Variants in EIF2AK2 observed in about 807,000 individuals in gnomAD.
The protein encoded by EIF2AK2 is eukaryotic translation initiation factor 2 alpha kinase 2.
A neutral mutation model predicts 70.5 loss-of-function variants in EIF2AK2; 40 were observed. The ratio of observed to expected loss-of-function variants is 0.57; its 90% CI spans 0.44 to 0.74. EIF2AK2 has a LOEUF of 0.74. EIF2AK2 is among the 30% of genes least tolerant of loss of function. The pLI is 0.00. For synonymous variants in EIF2AK2, 198 were observed against 220.9 expected, an observed-to-expected ratio of 0.90 and a Z score of 0.92; for missense variants, 555 against 644.3, an observed-to-expected ratio of 0.86 and a Z score of 1.50.
Position 37,135,555 on chromosome 2 carries a change from T to G in EIF2AK2, c.723-9A>C. 4 of 1,608,216 alleles carry G rather than the reference T, an allele frequency of 2.5e-6. No individual in the cohort carries two copies. The highest frequency in any genetic ancestry group is 3.4e-6 in the Non-Finnish European group (4 of 1,176,364). ...ATCTGGGTGCCAAAGATCTAAAAAT[T>G]AAGAGTTGAATGTAAAACTCAAATA... On this transcript the variant is annotated splice_polypyrimidine_tract_variant and intron_variant, in intron 9 of 16. Transcript: ENST00000233057.
In EIF2AK2 at chr2:37,141,703, T is replaced by TAAAA; in HGVS notation, c.241-3_241-2insTTTT. 6.3e-7 allele frequency: 1 copy of TAAAA among 1,592,330 alleles called. No individual in the cohort carries two copies. Among genetic ancestry groups the TAAAA allele is most frequent in the Admixed American group, 1.9e-5 (1 of 53,918 alleles). ...TGTCAATAATAAAGGACTAACTGCC[T>TAAAA]ACAAAGAAAAAAAATTCCTGTTTAA... On this transcript the variant is annotated splice_polypyrimidine_tract_variant and splice_region_variant and intron_variant, in intron 4 of 16. Coordinates refer to ENST00000233057, the MANE Select transcript of EIF2AK2 (RefSeq NM_001135651.3).
At chr2:37,112,672 T>C (rs1020821706) in intron 14 of EIF2AK2, among the ~76,000 whole-genome samples, 2 of 152,120 alleles carry the variant, frequency 1.3e-5, no homozygotes, top group African/African-American at 4.8e-5. Flanking sequence ...ATAAAATAAA[T>C]TAAGGAAACA....
chr2:37,149,516 C>T (rs1675670145), intron 1 of EIF2AK2, among the ~76,000 whole-genome samples: 1 of 151,992 alleles, frequency 6.6e-6, no homozygotes, highest in Admixed American at 6.6e-5. Flanking sequence ...CTGCCTGGAC[C>T]AATATAAACA....
rs1303303377 is a variant in EIF2AK2, at chr2:37,102,304, G to A, written c.*4969C>T. 1 of 152,120 alleles carries A rather than the reference G, an allele frequency of 6.6e-6. No individual in the cohort carries two copies. Among genetic ancestry groups the A allele is most frequent in the African/African-American group, 2.4e-5 (1 of 41,418 alleles). The allele number at this position is 152,120 out of a possible 1,614,324, so 9.4% of individuals were successfully genotyped here. A position where few individuals can be genotyped will look rare whatever the true frequency, so the allele number is the denominator to read the frequency against. ...ACAAACAAAAAGTAAGGGGTTAGAT[G>A]TATTAAGAACGGTAAAGTATTGATA... On this transcript the variant is annotated 3_prime_UTR_variant, in exon 17 of 17. Transcript: ENST00000233057.
At chr2:37,137,679 T>C (rs1675175369) in intron 8 of EIF2AK2, among the ~76,000 whole-genome samples, 3 of 152,190 alleles carry the variant, frequency 2.0e-5, no homozygotes, top group African/African-American at 4.8e-5. Flanking sequence ...CGAACTATAT[T>C]AGTGAATCTT....
intron 7 of EIF2AK2, 57 bp downstream of exon 7, chr2:37,138,452 G>A: frequency 1.2e-6 from 2 of 1,603,386 alleles, no homozygotes; most frequent in Non-Finnish European, 1.7e-6. Context: ...ATAAAAATCT[G>A]TCTTTCAGAC....
At chr2:37,151,962 A>G (rs1449746752) in intron 1 of EIF2AK2, among the ~76,000 whole-genome samples, 1 of 152,192 alleles carries the variant, frequency 6.6e-6, no homozygotes, top group Non-Finnish European at 1.5e-5. Context: ...GCTACTCGCG[A>G]GGCTGAGGCA....
chr2:37,127,199 T>C (rs1296889466), intron 10 of EIF2AK2, among the ~76,000 whole-genome samples: 1 of 151,998 alleles, frequency 6.6e-6, no homozygotes, highest in Non-Finnish European at 1.5e-5. Flanking sequence ...CCAAAACACA[T>C]TGCTGGTATC....
rs1456861665 is a variant in EIF2AK2 at position 37,099,553 on chromosome 2, A to G, written c.*7720T>C. The G allele has an allele frequency of 6.6e-6, 1 of 152,212 alleles. No individual in the cohort carries two copies. The highest frequency in any genetic ancestry group is 1.5e-5 in the Non-Finnish European group (1 of 68,028). 9.4% of individuals were successfully genotyped at this position (152,212 alleles called of 1,614,324 possible). A position where few individuals can be genotyped will look rare whatever the true frequency, so the allele number is the denominator to read the frequency against. ...CATTTTGAGTGGGAGATGTTGGAAC[A>G]CTTTGGAAATAACACTGAATTTGGG... On this transcript the variant is annotated 3_prime_UTR_variant, in exon 17 of 17. Transcript: ENST00000233057.
At chr2:37,142,509 C>A (rs1364881707) in intron 4 of EIF2AK2, among the ~76,000 whole-genome samples, 1 of 150,318 alleles carries the variant, frequency 6.7e-6, no homozygotes, top group Non-Finnish European at 1.5e-5. Context: ...TTTTTTATTT[C>A]TTTTATAGTA....
At chr2:37,143,906 CA>C (rs1454619274) in intron 4 of EIF2AK2, among the ~76,000 whole-genome samples, 8 of 151,742 alleles carry the variant, frequency 5.3e-5, no homozygotes, top group African/African-American at 1.9e-4. Context: ...ACAACAACAA[CA>C]AAAAAACTAT....
Position 37,099,344 on chromosome 2 carries a change from C to T in EIF2AK2, c.*7929G>A, listed in dbSNP as rs1296516685. 7.9e-5 allele frequency: 12 copies of T among 152,142 alleles called. No homozygotes were observed. The highest frequency in any genetic ancestry group is 1.5e-5 in the Non-Finnish European group (1 of 68,028). The allele number at this position is 152,142 out of a possible 1,614,324, so 9.4% of individuals were successfully genotyped here. A position where few individuals can be genotyped will look rare whatever the true frequency, so the allele number is the denominator to read the frequency against. On this transcript the variant is annotated 3_prime_UTR_variant, in exon 17 of 17. Coordinates refer to ENST00000233057, the MANE Select transcript of EIF2AK2 (RefSeq NM_001135651.3). ...AAAATTCTTAACTTTTGAGTTCCTG[C>T]TTTCTTCACAGCAGTGCACTCACTA...
intron 14 of EIF2AK2, among the ~76,000 whole-genome samples, chr2:37,113,533 A>T (rs1674232025): frequency 6.7e-6 from 1 of 149,850 alleles, no homozygotes; most frequent in Non-Finnish European, 1.5e-5. Context: ...CTGCAGTACC[A>T]CAAATGTCAT....
chr2:37,130,847 A>G (rs2148690543), intron 10 of EIF2AK2, among the ~76,000 whole-genome samples: 1 of 152,274 alleles, frequency 6.6e-6, no homozygotes, highest in East Asian at 1.9e-4. Context: ...CCCTCTCTAG[A>G]ACACTGTATT....
At chr2:37,116,401 C>T (rs1428880736) in intron 13 of EIF2AK2, among the ~76,000 whole-genome samples, 1 of 152,046 alleles carries the variant, frequency 6.6e-6, no homozygotes, top group Non-Finnish European at 1.5e-5. Flanking sequence ...ATTCTAAAGA[C>T]CACAAAAACA....
chr2:37,148,623 A>G, intron 2 of EIF2AK2: 1 of 844,872 alleles, frequency 1.2e-6, no homozygotes, highest in Non-Finnish European at 2.1e-6. Context: ...ATGTTGCAAG[A>G]ATTGTCATCA....
At chr2:37,120,447 C>T (rs1164225290) in intron 12 of EIF2AK2, among the ~76,000 whole-genome samples, 1 of 138,436 alleles carries the variant, frequency 7.2e-6, no homozygotes, top group Non-Finnish European at 1.5e-5. Flanking sequence ...GCGGAGCTTG[C>T]AGTGAGCCGA....
At chr2:37,149,092 C>A in intron 1 of EIF2AK2, 69 bp from the exon 2 acceptor site, 1 of 907,154 alleles carries the variant, frequency 1.1e-6, no homozygotes, top group Non-Finnish European at 1.9e-6. Context: ...GTGATACCAG[C>A]GAAGACTAAG....
At chr2:37,147,849 G>T in intron 2 of EIF2AK2, 27 bp from the exon 3 acceptor site, 1 of 1,463,778 alleles carries the variant, frequency 6.8e-7, no homozygotes, top group Non-Finnish European at 9.6e-7. Context: ...ATTTGAATGA[G>T]TGATGCTCAC....
Sources: allele counts gnomAD v4.1 joint callset (sites outside exome capture counted in the v4.1 genomes callset), GRCh38; gene constraint gnomAD v4.1.1; transcripts MANE v1.5; gene names NCBI Gene and HGNC (gene_info 2026-07-23, HGNC 2026-07-21).